ZNF407: variants seen among roughly 807,000 people sequenced by gnomAD.
The protein encoded by ZNF407 is zinc finger protein 407.
A neutral mutation model predicts 131.2 loss-of-function variants in ZNF407; 17 were observed. The observed-to-expected ratio is 0.13, with a 90% confidence interval of 0.09 to 0.19. The LOEUF is 0.19. Ranked by LOEUF, ZNF407 falls within the 10% of genes least tolerant of loss-of-function variation. The probability of loss-of-function intolerance (pLI) is 1.00; values close to 1 mark genes in which losing one functional copy is unlikely to be tolerated. For missense variants in ZNF407, 2,681 were observed against 2,830.6 expected (o/e 0.95, Z 1.20); for synonymous variants, 1,156 against 1,062.0 (o/e 1.09, Z -1.72).
At chr18:75,052,732 C>T (rs979902657) in intron 8 of ZNF407, among the ~76,000 whole-genome samples, 4 of 152,310 alleles carry the variant, frequency 2.6e-5, no homozygotes, top group Middle Eastern at 3.4e-3. Flanking sequence ...CACTTGTTCA[C>T]GTCACCATTC....
chr18:74,869,397 C>T (rs1718421104), intron 4 of ZNF407, among the ~76,000 whole-genome samples: 1 of 152,176 alleles, frequency 6.6e-6, no homozygotes, highest in Non-Finnish European at 1.5e-5. Flanking sequence ...GCAGCCCTGC[C>T]ATACAGTTGA....
At chr18:75,003,721 T>G (rs1381673122) in intron 8 of ZNF407, among the ~76,000 whole-genome samples, 1 of 152,240 alleles carries the variant, frequency 6.6e-6, no homozygotes, top group Non-Finnish European at 1.5e-5. Context: ...GACCTCTCAC[T>G]TTGTATTGTC....
At position 75,032,696 on chromosome 18, in the gene ZNF407, G is replaced by A. The variant is rs139247109; in HGVS notation, c.5429-30454G>A. ...GTAACTAAGACTGCTCAGAATGGGG[G>A]GAAGATAGTATTAGATAACTAAGAG... On this transcript the variant is annotated intron_variant, in intron 8 of 8. Coordinates refer to ENST00000299687, the MANE Select transcript of ZNF407 (RefSeq NM_017757.3). Among the ~76,000 whole-genome samples the A allele has an allele frequency of 1.1e-3, 167 of 151,152 alleles. 1 individual carries two copies. Among genetic ancestry groups the A allele is most frequent in the African/African-American group, 3.1e-3 (125 of 40,654 alleles).
At chr18:74,645,637 TTGTGTGTGTGTGTGTGTGTG>T (rs35047949) in intron 3 of ZNF407, among the ~76,000 whole-genome samples, 7 of 145,198 alleles carry the variant, frequency 4.8e-5, no homozygotes, top group Non-Finnish European at 9.1e-5. Context: ...GTAAAACTCT[TTGTGTGTGTGTGTGTGTGTG>T]TGTGTGTGTG....
chr18:74,792,228 T>A (rs1045131265), intron 4 of ZNF407, among the ~76,000 whole-genome samples: 2 of 152,048 alleles, frequency 1.3e-5, no homozygotes, highest in African/African-American at 4.8e-5. Flanking sequence ...GTTGTGAAGG[T>A]CTAAATAATC....
At chr18:74,933,382 G>A (rs905315456) in intron 8 of ZNF407, among the ~76,000 whole-genome samples, 1 of 152,196 alleles carries the variant, frequency 6.6e-6, no homozygotes, top group Non-Finnish European at 1.5e-5. Flanking sequence ...ATAGAAGGTA[G>A]AATGTTGGGT....
intron 5 of ZNF407, 94 bp from the exon 6 acceptor site, chr18:74,880,942 T>G (rs745867631): frequency 4.7e-5 from 48 of 1,031,278 alleles, no homozygotes; most frequent in Admixed American, 2.6e-4. Flanking sequence ...TGGAAACATT[T>G]GATTGGAGGA....
chr18:74,992,105 A>C (rs1972725561), intron 8 of ZNF407, among the ~76,000 whole-genome samples: 1 of 152,198 alleles, frequency 6.6e-6, no homozygotes, highest in African/African-American at 2.4e-5. Flanking sequence ...AGGGATGAAG[A>C]TGTATCCAGG....
chr18:74,725,857 A>G (rs1968144686), intron 3 of ZNF407, among the ~76,000 whole-genome samples: 2 of 152,184 alleles, frequency 1.3e-5, no homozygotes. Context: ...GTCACACAAA[A>G]CTGATGCTTT....
intron 3 of ZNF407, among the ~76,000 whole-genome samples, chr18:74,647,368 C>G (rs922659971): frequency 6.6e-6 from 1 of 152,064 alleles, no homozygotes; most frequent in Non-Finnish European, 1.5e-5. Context: ...CTTCCGAGCC[C>G]AGGAGTTTGA....
At chr18:74,957,547 A>G (rs1181168995) in intron 8 of ZNF407, among the ~76,000 whole-genome samples, 1 of 152,140 alleles carries the variant, frequency 6.6e-6, no homozygotes, top group African/African-American at 2.4e-5. Context: ...TAGGAACTTG[A>G]AAATGTCAGT....
At chr18:74,768,825 T>C (rs1430951718) in intron 3 of ZNF407, among the ~76,000 whole-genome samples, 2 of 152,234 alleles carry the variant, frequency 1.3e-5, no homozygotes, top group Non-Finnish European at 2.9e-5. Flanking sequence ...GTTCTCTCAC[T>C]AATATGCTAA....
intron 4 of ZNF407, among the ~76,000 whole-genome samples, chr18:74,838,831 G>T (rs1429517731): frequency 1.3e-5 from 2 of 152,052 alleles, no homozygotes; most frequent in Non-Finnish European, 2.9e-5. Context: ...TTAAAATGGA[G>T]ATCTTTTAGA....
chr18:74,803,904 T>G (rs1970064551), intron 4 of ZNF407: 1 of 1,533,038 alleles, frequency 6.5e-7, no homozygotes, highest in African/African-American at 1.4e-5. Context: ...ACGAGAATGC[T>G]TTACAACGTG....
At chr18:74,794,543 A>G (rs181629223) in intron 4 of ZNF407, among the ~76,000 whole-genome samples, 1 of 152,230 alleles carries the variant, frequency 6.6e-6, no homozygotes, top group East Asian at 1.9e-4. Flanking sequence ...ATTTGTCCTA[A>G]CGCTACGTTG....
intron 7 of ZNF407, chr18:74,905,931 GA>G (rs767610775): frequency 6.6e-5 from 10 of 152,116 alleles, no homozygotes; most frequent in Non-Finnish European, 1.3e-4. Context: ...CTTTTTATCT[GA>G]ATAAAAAAAG....
At chr18:74,882,451 T>G (rs571963594) in intron 6 of ZNF407, among the ~76,000 whole-genome samples, 15 of 152,304 alleles carry the variant, frequency 9.8e-5, no homozygotes, top group Admixed American at 9.8e-4. Flanking sequence ...ACATAAAATG[T>G]GTGATTTATG....
intron 8 of ZNF407, among the ~76,000 whole-genome samples, chr18:75,017,577 C>T (rs966283064): frequency 6.6e-6 from 1 of 152,128 alleles, no homozygotes; most frequent in African/African-American, 2.4e-5. Flanking sequence ...CTGATGAAAT[C>T]AGGTTGGTGC....
At chr18:74,710,641 A>C (rs1470265833) in intron 3 of ZNF407, among the ~76,000 whole-genome samples, 1 of 152,172 alleles carries the variant, frequency 6.6e-6, no homozygotes, top group Non-Finnish European at 1.5e-5. Flanking sequence ...TTCTCTGAGT[A>C]ATATGTTTGT....
Sources: gnomAD v4.1 joint callset for allele counts (sites outside exome capture counted in the v4.1 genomes callset) on GRCh38, gnomAD v4.1.1 for gene constraint, MANE v1.5 for transcripts, NCBI Gene and HGNC (gene_info 2026-07-23, HGNC 2026-07-21) for gene names.